Variants in DGKB observed in about 807,000 individuals in gnomAD.
DGKB encodes 90 kDa diacylglycerol kinase.
In DGKB, 67 loss-of-function variants were observed where a neutral mutation model predicts 114.3. The ratio of observed to expected loss-of-function variants is 0.59; its 90% CI spans 0.48 to 0.72. The LOEUF (loss-of-function observed/expected upper bound fraction) is 0.72, where lower values mean the gene tolerates loss of function less well. DGKB is among the 30% of genes least tolerant of loss of function. The probability of loss-of-function intolerance (pLI) is 0.00; values close to 1 mark genes in which losing one functional copy is unlikely to be tolerated. For synonymous variants in DGKB, 398 were observed against 323.1 expected, an observed-to-expected ratio of 1.23 and a Z score of -2.49; for missense variants, 907 against 975.2, an observed-to-expected ratio of 0.93 and a Z score of 0.93.
intron 23 of DGKB, among the ~76,000 whole-genome samples, chr7:14,243,036 T>C (rs1793921605): frequency 6.6e-6 from 1 of 151,964 alleles, no homozygotes; most frequent in Non-Finnish European, 1.5e-5. Context: ...AGAATAATCT[T>C]TTAAGAAAGC....
In DGKB at chr7:14,184,017, C is replaced by A. The variant is rs182914754; in HGVS notation, c.2123-5866G>T. Among the ~76,000 whole-genome samples, 44 of 152,278 alleles carry A rather than the reference C, an allele frequency of 2.9e-4. No homozygotes were observed. In the East Asian group the frequency reaches 5.0e-3, roughly 17 times the overall value. ...GACCCTCCTCTCCCCATCACATGCC[C>A]CCACTAGAGAAGCTGACAGTCCATT... On this transcript the variant is annotated intron_variant, in intron 23 of 25. Coordinates refer to ENST00000402815, the MANE Select transcript of DGKB (RefSeq NM_001350709.2).
chr7:14,387,714 G>A (rs1197840453), intron 21 of DGKB, among the ~76,000 whole-genome samples: 1 of 151,982 alleles, frequency 6.6e-6, no homozygotes, highest in East Asian at 1.9e-4. Context: ...ACCATGCCTA[G>A]CCTCATGTAA....
chr7:14,460,225 C>T (rs988020058), intron 21 of DGKB, among the ~76,000 whole-genome samples: 2 of 152,094 alleles, frequency 1.3e-5, no homozygotes, highest in Admixed American at 6.6e-5. Flanking sequence ...ATTATCATGA[C>T]AGGATCAAAT....
chr7:14,505,384 G>A (rs113944136), intron 20 of DGKB, among the ~76,000 whole-genome samples: 1 of 151,990 alleles, frequency 6.6e-6, no homozygotes, highest in Non-Finnish European at 1.5e-5. Context: ...AGCCCAGGAG[G>A]CAGAGGTTGC....
At chr7:14,524,071 T>C (rs1790232963) in intron 20 of DGKB, among the ~76,000 whole-genome samples, 1 of 152,202 alleles carries the variant, frequency 6.6e-6, no homozygotes, top group African/African-American at 2.4e-5. Context: ...CTCCAACTGA[T>C]GTTTTAGAAA....
At chr7:14,686,187 C>A (rs1051509415) in intron 9 of DGKB, among the ~76,000 whole-genome samples, 1 of 152,028 alleles carries the variant, frequency 6.6e-6, no homozygotes, top group African/African-American at 2.4e-5. Flanking sequence ...TTATTTTTTT[C>A]TCTTCTCAGT....
chr7:14,578,018 G>A (rs750231817), intron 19 of DGKB, among the ~76,000 whole-genome samples: 4 of 152,096 alleles, frequency 2.6e-5, no homozygotes, highest in Non-Finnish European at 5.9e-5. Flanking sequence ...TAATCCCCAC[G>A]TGTCAAGGGA....
intron 23 of DGKB, among the ~76,000 whole-genome samples, chr7:14,326,660 G>T (rs993437614): frequency 6.6e-6 from 1 of 152,114 alleles, no homozygotes; most frequent in East Asian, 1.9e-4. Context: ...TTCCTTTGCG[G>T]GAATGGCATA....
rs1787737151 is a variant in DGKB at position 14,509,968 on chromosome 7, G to A, written c.1771-31743C>T. Among the ~76,000 whole-genome samples, 4 of 152,288 alleles carry A rather than the reference G, an allele frequency of 2.6e-5. No individual in the cohort carries two copies. The South Asian group carries it at 8.3e-4, about 32-fold the overall frequency. On this transcript the variant is annotated intron_variant, in intron 20 of 25. Transcript: ENST00000402815. ...AGGCGGGCTGGTCATGAGGTCAGGAGATGGAGACCATCCTGGCTGACACGG... is the reference window on the plus strand; with the variant it reads ...AGGCGGGCTGGTCATGAGGTCAGGAAATGGAGACCATCCTGGCTGACACGG...
intron 21 of DGKB, among the ~76,000 whole-genome samples, chr7:14,445,857 C>A (rs1448396400): frequency 6.6e-6 from 1 of 151,930 alleles, no homozygotes; most frequent in Non-Finnish European, 1.5e-5. Context: ...TTTTGATATT[C>A]TGAAACATAG....
chr7:14,689,559 G>A (rs960551585), intron 9 of DGKB, among the ~76,000 whole-genome samples: 1 of 152,236 alleles, frequency 6.6e-6, no homozygotes, highest in Middle Eastern at 3.4e-3. Context: ...GAGTGGAGCT[G>A]TCATCAACTG....
chr7:14,225,521 A>C (rs1037359555), intron 23 of DGKB, among the ~76,000 whole-genome samples: 1 of 152,064 alleles, frequency 6.6e-6, no homozygotes, highest in Non-Finnish European at 1.5e-5. Context: ...TGAAAGAGAA[A>C]CTTTTACTTT....
intron 23 of DGKB, among the ~76,000 whole-genome samples, chr7:14,325,026 T>C (rs1351578579): frequency 6.6e-6 from 1 of 152,226 alleles, no homozygotes; most frequent in Non-Finnish European, 1.5e-5. Context: ...TTTTGCAGCA[T>C]AGGTAGGGCC....
intron 13 of DGKB, among the ~76,000 whole-genome samples, chr7:14,656,493 T>C (rs1412524503): frequency 6.6e-6 from 1 of 151,504 alleles, no homozygotes; most frequent in African/African-American, 2.4e-5. Context: ...AACTCCTGTG[T>C]GTCAAGAGTC....
At chr7:14,881,208 G>T (rs190991879) in intron 1 of DGKB, among the ~76,000 whole-genome samples, 1 of 152,080 alleles carries the variant, frequency 6.6e-6, no homozygotes, top group Non-Finnish European at 1.5e-5. Context: ...TTGGTATTGT[G>T]ATCATTACTT....
intron 25 of DGKB, among the ~76,000 whole-genome samples, chr7:14,173,569 T>C (rs917504266): frequency 5.4e-4 from 82 of 152,336 alleles, no homozygotes; most frequent in African/African-American, 1.9e-3. Flanking sequence ...CTTTCATAAA[T>C]TGAATATCAG....
intron 25 of DGKB, among the ~76,000 whole-genome samples, chr7:14,160,134 A>C (rs1783651023): frequency 6.6e-6 from 1 of 152,330 alleles, no homozygotes; most frequent in African/African-American, 2.4e-5. Flanking sequence ...TCAAAATAAT[A>C]ATAGCTATTT....
chr7:14,616,627 A>G (rs1410210131), intron 15 of DGKB, among the ~76,000 whole-genome samples: 1 of 151,788 alleles, frequency 6.6e-6, no homozygotes, highest in Non-Finnish European at 1.5e-5. Context: ...ATATATTTAT[A>G]CAGCATTTGA....
intron 21 of DGKB, among the ~76,000 whole-genome samples, chr7:14,394,986 G>A (rs1274042349): frequency 1.3e-5 from 2 of 152,036 alleles, no homozygotes; most frequent in African/African-American, 4.8e-5. Flanking sequence ...AATGAACTAC[G>A]ACCTCTGAGA....
Sources: gnomAD v4.1 joint callset for allele counts (sites outside exome capture counted in the v4.1 genomes callset) on GRCh38, gnomAD v4.1.1 for gene constraint, MANE v1.5 for transcripts, NCBI Gene and HGNC (gene_info 2026-07-23, HGNC 2026-07-21) for gene names.